BPNT1: variants seen among roughly 807,000 people sequenced by gnomAD.
The protein encoded by BPNT1 is 3'(2'),5'-bisphosphate nucleotidase 1.
A neutral mutation model predicts 36.9 loss-of-function variants in BPNT1; 28 were observed. The ratio of observed to expected loss-of-function variants is 0.76; its 90% CI spans 0.56 to 1.04. The LOEUF is 1.04. Among genes scored for constraint, BPNT1 ranks in the 50% least tolerant of loss-of-function variants. The probability of loss-of-function intolerance (pLI) is 0.00; values close to 1 mark genes in which losing one functional copy is unlikely to be tolerated. For synonymous variants in BPNT1, 119 were observed against 130.9 expected (o/e 0.91, Z 0.62); for missense variants, 313 against 372.9 (o/e 0.84, Z 1.32).
intron 8 of BPNT1, among the ~76,000 whole-genome samples, chr1:220,059,243 C>CTTTTCTTTTT (rs1662788263): frequency 1.7e-5 from 1 of 57,854 alleles, no homozygotes; most frequent in Admixed American, 2.8e-4. Context: ...ATTTTCTTTT[C>CTTTTCTTTTT]TTTTTTTTTT....
At chr1:220,073,447 C>A (rs1361741534) in intron 3 of BPNT1, among the ~76,000 whole-genome samples, 1 of 152,212 alleles carries the variant, frequency 6.6e-6, no homozygotes, top group East Asian at 1.9e-4. Flanking sequence ...CACCACCAAG[C>A]CTGGCTAATT....
chr1:220,058,130 C>A lies in BPNT1; in HGVS notation c.*714G>T. Reference sequence around the variant, plus strand: ...GGCGGAGCTTGCAGTGAGCCGAGATCACGCCACTACATTCTAGCCTAGGCT... The same window carrying A: ...GGCGGAGCTTGCAGTGAGCCGAGATAACGCCACTACATTCTAGCCTAGGCT... On this transcript the variant is annotated 3_prime_UTR_variant, in exon 9 of 9. Transcript: ENST00000322067. The A allele has an allele frequency of 1.0e-6, 1 of 955,166 alleles. No homozygotes were observed. Among genetic ancestry groups the A allele is most frequent in the Non-Finnish European group, 1.3e-6 (1 of 780,176 alleles). The allele number at this position is 955,166 out of a possible 1,614,324, so 59.2% of individuals were successfully genotyped here.
At chr1:220,068,889 C>T (rs1441474383) in intron 5 of BPNT1, among the ~76,000 whole-genome samples, 1 of 152,174 alleles carries the variant, frequency 6.6e-6, no homozygotes, top group Admixed American at 6.6e-5. Context: ...TAATTTGTTG[C>T]TCTCTAATTG....
chr1:220,059,131 G>C, intron 8 of BPNT1, 139 bp from the exon 9 acceptor site: 1 of 709,190 alleles, frequency 1.4e-6, no homozygotes, highest in Non-Finnish European at 2.2e-6. Context: ...GTCCATAAAG[G>C]TTAAGTTTTA....
At chr1:220,071,059 C>A (rs1275869521) in intron 4 of BPNT1, among the ~76,000 whole-genome samples, 1 of 150,454 alleles carries the variant, frequency 6.6e-6, no homozygotes, top group Non-Finnish European at 1.5e-5. Context: ...ATTGCTTGAA[C>A]CTGGGAGGCG....
intron 5 of BPNT1, among the ~76,000 whole-genome samples, chr1:220,067,842 T>C (rs1009690703): frequency 8.5e-5 from 13 of 152,210 alleles, no homozygotes; most frequent in Admixed American, 7.9e-4. Flanking sequence ...GTACTTTTTA[T>C]AATACAGATC....
At chr1:220,067,440 G>T in intron 5 of BPNT1, 47 bp from the exon 6 acceptor site, 2 of 1,345,018 alleles carry the variant, frequency 1.5e-6, no homozygotes, top group South Asian at 1.3e-5. Flanking sequence ...CTCATATTAT[G>T]ACTCATCATT....
At position 220,072,843 on chromosome 1, in the gene BPNT1, G is replaced by A; in HGVS notation, c.333+7C>T. 4 of 1,603,786 alleles carry A rather than the reference G, an allele frequency of 2.5e-6. No individual in the cohort carries two copies. The highest frequency in any genetic ancestry group is 3.4e-6 in the Non-Finnish European group (4 of 1,170,674). On this transcript the variant is annotated splice_region_variant and intron_variant, in intron 4 of 8. Coordinates refer to ENST00000322067, the MANE Select transcript of BPNT1 (RefSeq NM_006085.6). Reference sequence around the variant, plus strand: ...AATAGAGAGTTGAGTATAAATATGGGTCATACATCTTCTTCTTTAATAGCA... The same window carrying A: ...AATAGAGAGTTGAGTATAAATATGGATCATACATCTTCTTCTTTAATAGCA...
intron 1 of BPNT1, among the ~76,000 whole-genome samples, chr1:220,080,085 T>C (rs1379596731): frequency 1.3e-5 from 2 of 152,218 alleles, no homozygotes; most frequent in Non-Finnish European, 2.9e-5. Context: ...AGATGAGACA[T>C]GTCAAAGCAT....
rs1448527714 is a variant in BPNT1, at chr1:220,079,772, TATCATTCC to T, written c.67_74del (p.Gly23SerfsTer7). Reference sequence around the variant, plus strand: ...CTCCTTCAGCAATAACACGTCTGACTATCATTCCTGCCTTTTGAGCAATAGAATATGCG... The same window carrying T: ...CTCCTTCAGCAATAACACGTCTGACTTGCCTTTTGAGCAATAGAATATGCG... On this transcript the variant is annotated frameshift_variant, in exon 2 of 9. Transcript: ENST00000322067. LOFTEE classifies it high-confidence loss of function. 1.9e-6 allele frequency: 3 copies of T among 1,614,172 alleles called. No homozygotes were observed.
intron 1 of BPNT1, among the ~76,000 whole-genome samples, chr1:220,083,679 G>A (rs1158846784): frequency 6.6e-6 from 1 of 152,118 alleles, no homozygotes; most frequent in African/African-American, 2.4e-5. Context: ...GGTCCACTTT[G>A]TGGATTTTTT....
chr1:220,066,433 T>G (rs1663539809), intron 6 of BPNT1, among the ~76,000 whole-genome samples: 1 of 152,160 alleles, frequency 6.6e-6, no homozygotes, highest in African/African-American at 2.4e-5. Flanking sequence ...CTTAATATAA[T>G]TTATAATCAT....
chr1:220,059,073 G>T, intron 8 of BPNT1, 81 bp from the exon 9 acceptor site: 1 of 1,449,134 alleles, frequency 6.9e-7, no homozygotes, highest in Non-Finnish European at 9.5e-7. Context: ...AGTGCCTTTT[G>T]CTTCCTTATC....
chr1:220,067,239 A>G (rs1275809102), intron 6 of BPNT1, 63 bp downstream of exon 6: 1 of 1,042,872 alleles, frequency 9.6e-7, no homozygotes, highest in East Asian at 3.2e-5. Context: ...GGTAACATAA[A>G]GAATCAGATA....
chr1:220,078,331 A>C (rs1015535407), intron 2 of BPNT1, among the ~76,000 whole-genome samples: 73 of 144,918 alleles, frequency 5.0e-4, no homozygotes, highest in Non-Finnish European at 9.0e-4. Flanking sequence ...ATAACATATA[A>C]TATATAATTA....
intron 2 of BPNT1, among the ~76,000 whole-genome samples, chr1:220,077,167 T>G (rs1335093183): frequency 2.0e-5 from 3 of 152,198 alleles, no homozygotes; most frequent in Non-Finnish European, 4.4e-5. Flanking sequence ...TTTAAATTTG[T>G]GGATAATGTT....
intron 1 of BPNT1, among the ~76,000 whole-genome samples, chr1:220,088,801 A>AAAAG (rs201406478): frequency 0.053 from 7,796 of 148,262 alleles, 300 homozygotes; most frequent in Middle Eastern, 0.093. Flanking sequence ...AAAAAAAAAA[A>AAAAG]AAAAGAAAGA....
At chr1:220,059,919 A>C (rs1227662099) in intron 7 of BPNT1, 128 bp from the exon 8 acceptor site, 9 of 624,684 alleles carry the variant, frequency 1.4e-5, no homozygotes, top group Non-Finnish European at 2.5e-5. Flanking sequence ...TTCCTCTGTT[A>C]AATTTAGTTA....
Position 220,062,965 on chromosome 1 carries a change from G to T in BPNT1, c.475-11C>A, listed in dbSNP as rs756616704. ...AGCATCTGGTCCTGCCTGTGTAAAC[G>T]AGTGAAACAACAAGACTTGTGGTTA... On this transcript the variant is annotated splice_polypyrimidine_tract_variant and intron_variant, in intron 6 of 8. Transcript: ENST00000322067. 2.5e-6 allele frequency: 4 copies of T among 1,613,588 alleles called. No homozygotes were observed. The highest frequency in any genetic ancestry group is 3.4e-6 in the Non-Finnish European group (4 of 1,179,708).
Sources: gnomAD v4.1 joint callset for allele counts (sites outside exome capture counted in the v4.1 genomes callset) on GRCh38, gnomAD v4.1.1 for gene constraint, MANE v1.5 for transcripts, NCBI Gene and HGNC (gene_info 2026-07-23, HGNC 2026-07-21) for gene names.